TMEM108: variants seen among roughly 807,000 people sequenced by gnomAD.
TMEM108 encodes transmembrane protein 108, also known as cancer/testis antigen 124.
TMEM108 carries 12 observed loss-of-function variants against 35.1 expected under a neutral mutation model. That is an observed-to-expected ratio of 0.34 (90% CI 0.22 to 0.55). TMEM108 has a LOEUF of 0.55. Among genes scored for constraint, TMEM108 ranks in the 20% least tolerant of loss-of-function variants. TMEM108 has a pLI of 0.89. For missense variants in TMEM108, 680 were observed against 753.3 expected, an observed-to-expected ratio of 0.90 and a Z score of 1.14; for synonymous variants, 287 against 308.6, an observed-to-expected ratio of 0.93 and a Z score of 0.73.
intron 3 of TMEM108, among the ~76,000 whole-genome samples, chr3:133,313,107 G>A (rs141595013): frequency 1.0e-3 from 158 of 152,022 alleles, no homozygotes; most frequent in African/African-American, 2.8e-3. Flanking sequence ...AATCTGGAAC[G>A]TTTGTCTAGC....
intron 2 of TMEM108, among the ~76,000 whole-genome samples, chr3:133,109,283 T>C (rs1944197456): frequency 1.3e-5 from 2 of 152,178 alleles, no homozygotes; most frequent in Admixed American, 1.3e-4. Context: ...AGGTTCATTC[T>C]AATTACAATA....
At chr3:133,386,732 C>A in intron 4 of TMEM108, 1 of 1,313,870 alleles carries the variant, frequency 7.6e-7, no homozygotes, top group Non-Finnish European at 9.7e-7. Context: ...CATAGAGCTG[C>A]GCAGTTTACA....
At chr3:133,300,975 TACACACACACACACACAC>T (rs66703555) in intron 3 of TMEM108, among the ~76,000 whole-genome samples, 6,411 of 131,210 alleles carry the variant, frequency 0.049, 276 homozygotes, top group African/African-American at 0.094. Context: ...CAGACCCCAG[TACACACACACACACACAC>T]ACACACACAC....
chr3:133,100,747 G>A (rs1263152781), intron 2 of TMEM108, among the ~76,000 whole-genome samples: 1 of 152,194 alleles, frequency 6.6e-6, no homozygotes, highest in African/African-American at 2.4e-5. Flanking sequence ...AAACCTGGAA[G>A]CAATTTTTTT....
intron 3 of TMEM108, among the ~76,000 whole-genome samples, chr3:133,272,034 G>A (rs1217021657): frequency 6.6e-6 from 1 of 152,228 alleles, no homozygotes; most frequent in East Asian, 1.9e-4. Context: ...TAACTCTGCT[G>A]TAGGAGCTAA....
intron 3 of TMEM108, among the ~76,000 whole-genome samples, chr3:133,375,944 C>T (rs2072823917): frequency 6.6e-6 from 1 of 152,148 alleles, no homozygotes; most frequent in Non-Finnish European, 1.5e-5. Flanking sequence ...GGTAAAAATC[C>T]CTTGGCACCC....
Position 133,239,220 on chromosome 3 carries a change from C to T in TMEM108, c.40+9869C>T, listed in dbSNP as rs114137029. ...TGAGGAAATAAACAGCATTTAGTGG[C>T]GTAGACCAGTTCATCAGCCTGCAGT... On this transcript the variant is annotated intron_variant, in intron 3 of 5. Transcript: ENST00000321871. Among the ~76,000 whole-genome samples the T allele has an allele frequency of 3.1e-3, 476 of 152,280 alleles. 3 individuals carry two copies. Among genetic ancestry groups the T allele is most frequent in the African/African-American group, 0.011 (460 of 41,556 alleles).
chr3:133,387,252 A>G, intron 4 of TMEM108: 5 of 985,458 alleles, frequency 5.1e-6, no homozygotes, highest in Non-Finnish European at 6.0e-6. Context: ...TTTAATTCTC[A>G]TTACAAGCCT....
At chr3:133,230,085 C>T (rs4854576) in intron 3 of TMEM108, among the ~76,000 whole-genome samples, 18,385 of 152,218 alleles carry the variant, frequency 0.12, 1,512 homozygotes, top group East Asian at 0.38. Flanking sequence ...GCATTACCCG[C>T]TCCAGGTCAA....
intron 2 of TMEM108, among the ~76,000 whole-genome samples, chr3:133,088,478 A>G (rs1943910047): frequency 6.6e-6 from 1 of 152,178 alleles, no homozygotes; most frequent in Non-Finnish European, 1.5e-5. Flanking sequence ...AGAAGAAAGT[A>G]ATTGAGAGGG....
chr3:133,352,582 G>A (rs746746181), intron 3 of TMEM108, among the ~76,000 whole-genome samples: 4 of 152,134 alleles, frequency 2.6e-5, no homozygotes, highest in Non-Finnish European at 5.9e-5. Context: ...CCCCTTCCTC[G>A]GGTTTAATAA....
At chr3:133,240,777 G>A (rs1489625592) in intron 3 of TMEM108, among the ~76,000 whole-genome samples, 1 of 152,078 alleles carries the variant, frequency 6.6e-6, no homozygotes, top group East Asian at 1.9e-4. Flanking sequence ...TCTACCTTAG[G>A]GATTGTTGTG....
intron 4 of TMEM108, chr3:133,389,829 G>A (rs1039871358): frequency 4.5e-6 from 1 of 222,488 alleles, no homozygotes; most frequent in South Asian, 8.8e-5. Context: ...ACTTTATGGG[G>A]CTAAATAGAG....
chr3:133,047,421 A>G (rs1943353729), intron 2 of TMEM108, among the ~76,000 whole-genome samples: 1 of 152,212 alleles, frequency 6.6e-6, no homozygotes, highest in Non-Finnish European at 1.5e-5. Flanking sequence ...TACATTGTGG[A>G]GGGAGCCATT....
At chr3:133,125,565 G>A (rs1407135532) in intron 2 of TMEM108, among the ~76,000 whole-genome samples, 2 of 152,088 alleles carry the variant, frequency 1.3e-5, no homozygotes, top group Non-Finnish European at 2.9e-5. Context: ...GGTAGGTGGG[G>A]GTAGTATCAG....
intron 3 of TMEM108, among the ~76,000 whole-genome samples, chr3:133,239,112 C>T (rs963927403): frequency 7.9e-5 from 12 of 152,196 alleles, no homozygotes; most frequent in Non-Finnish European, 1.8e-4. Flanking sequence ...CCAAAACATA[C>T]CACTGCTAAA....
chr3:133,366,644 A>T (rs973320785), intron 3 of TMEM108, among the ~76,000 whole-genome samples: 3 of 152,240 alleles, frequency 2.0e-5, no homozygotes, highest in African/African-American at 4.8e-5. Flanking sequence ...TCTACCAGAA[A>T]GCCACAGTGA....
intron 2 of TMEM108, among the ~76,000 whole-genome samples, chr3:133,144,824 TC>T (rs1230581195): frequency 1.3e-5 from 2 of 152,220 alleles, no homozygotes; most frequent in African/African-American, 4.8e-5. Flanking sequence ...TTTGTTTTTT[TC>T]CTGTAAATTT....
chr3:133,239,627 C>T (rs7617947), intron 3 of TMEM108, among the ~76,000 whole-genome samples: 48,451 of 151,994 alleles, frequency 0.32, 8,526 homozygotes, highest in East Asian at 0.47. Flanking sequence ...CACTGGGCCA[C>T]CCCCAGAGTT....
Sources: allele counts gnomAD v4.1 joint callset (sites outside exome capture counted in the v4.1 genomes callset), GRCh38; gene constraint gnomAD v4.1.1; transcripts MANE v1.5; gene names NCBI Gene and HGNC (gene_info 2026-07-23, HGNC 2026-07-21).